Variants in EOGT observed in about 807,000 individuals in gnomAD.
The protein encoded by EOGT is EGF domain-specific O-linked N-acetylglucosamine transferase.
EOGT carries 55 observed loss-of-function variants against 70.5 expected under a neutral mutation model. The observed-to-expected ratio is 0.78, with a 90% CI of 0.63 to 0.98. The LOEUF (loss-of-function observed/expected upper bound fraction) is 0.98. Ranked by LOEUF, EOGT falls within the 50% of genes least tolerant of loss-of-function variation. The pLI is 0.00. For missense variants in EOGT, 703 were observed against 641.9 expected (o/e 1.10, Z -1.03); for synonymous variants, 246 against 217.1 (o/e 1.13, Z -1.17).
chr3:68,989,173 G>C (rs1390088943), intron 10 of EOGT, among the ~76,000 whole-genome samples, 156 bp from the exon 11 acceptor site: 1 of 151,972 alleles, frequency 6.6e-6, no homozygotes, highest in Non-Finnish European at 1.5e-5. Flanking sequence ...CTTCATCTTG[G>C]GCCAGAGCAA....
chr3:68,996,601 G>C (rs963395717), intron 10 of EOGT, among the ~76,000 whole-genome samples: 21 of 152,190 alleles, frequency 1.4e-4, no homozygotes, highest in Non-Finnish European at 2.9e-4. Flanking sequence ...GCCCCTACAG[G>C]ATATGAGGCT....
In EOGT at chr3:68,977,504, G is replaced by T; in HGVS notation, c.*114C>A. 1 of 1,081,016 alleles carries T rather than the reference G, an allele frequency of 9.3e-7. No homozygotes were observed. The highest frequency in any genetic ancestry group is 1.4e-6 in the Non-Finnish European group (1 of 727,260). The allele number at this position is 1,081,016 out of a possible 1,614,324, so 67.0% of individuals were successfully genotyped here. A position where few individuals can be genotyped will look rare whatever the true frequency, so the allele number is the denominator to read the frequency against. On this transcript the variant is annotated 3_prime_UTR_variant, in exon 18 of 18. Coordinates refer to ENST00000383701, the MANE Select transcript of EOGT (RefSeq NM_001278689.2). ...AACAATATCCTGAAGGTATGTTTTG[G>T]CATAGAAAAGGTAATTCGGGGATAG...
Position 68,978,387 on chromosome 3 carries a change from T to C in EOGT, c.1383A>G (p.Arg461=), listed in dbSNP as rs774552532. Residue 461 remains arginine (R), a synonymous_variant, in exon 17 of 18, where the codon AGA becomes AGG. Coordinates refer to ENST00000383701, the MANE Select transcript of EOGT (RefSeq NM_001278689.2). ...GTCGCCAAGTGATGTAGTGAACGCC[T>C]CTCAGCCTGGCCAAGTCTAAGTAAC... ...ERCYLDLARL[R]GVHYITWRRQ... is the part of the protein sequence containing the mutation. 23 of 1,612,874 alleles carry C rather than the reference T, an allele frequency of 1.4e-5. No individual in the cohort carries two copies. The South Asian group carries it at 2.3e-4, about 16-fold the overall frequency.
Position 68,979,734 on chromosome 3 carries a change from A to ATAAATATG in EOGT, c.1260_1267dup (p.Ile423ThrfsTer11), listed in dbSNP as rs753004669. 47 of 1,613,632 alleles carry ATAAATATG rather than the reference A, an allele frequency of 2.9e-5. No homozygotes were observed. In the Admixed American group the frequency reaches 7.7e-4, roughly 26 times the overall value. Reference sequence around the variant, plus strand: ...GGTCAGACCAGCTCCATGCATTCCAATAAATATGTCCGTGTTGTGTGTGAT... The same window carrying ATAAATATG: ...GGTCAGACCAGCTCCATGCATTCCAATAAATATGTAAATATGTCCGTGTTGTGTGTGAT... On this transcript the variant is annotated frameshift_variant, in exon 16 of 18. Transcript: ENST00000383701. LOFTEE classifies it high-confidence loss of function.
chr3:69,004,500 ATTAAG>A lies in EOGT; in HGVS notation c.516-23_516-19del, dbSNP rs373543747. The A allele has an allele frequency of 2.3e-4, 364 of 1,575,934 alleles. 1 individual carries two copies. In the African/African-American group the frequency reaches 3.9e-3, roughly 17 times the overall value. On this transcript the variant is annotated intron_variant, in intron 7 of 17. Coordinates refer to ENST00000383701, the MANE Select transcript of EOGT (RefSeq NM_001278689.2). ...CCTTAAATCTGGTATATAACAAAAC[ATTAAG>A]TTAAGTTCAGAAAACGTCTTCATGA...
chr3:68,987,972 T>G (rs538475557), intron 13 of EOGT: 31 of 372,156 alleles, frequency 8.3e-5, no homozygotes, highest in African/African-American at 6.5e-4. Flanking sequence ...GGGAGTGCAG[T>G]GACATGATCT....
chr3:69,005,146 TG>T lies in EOGT; in HGVS notation c.508del (p.His170MetfsTer25). 5 of 1,548,732 alleles carry T rather than the reference TG, an allele frequency of 3.2e-6. No homozygotes were observed. The highest frequency in any genetic ancestry group is 1.4e-5 in the African/African-American group (1 of 73,338). Reference sequence around the variant, plus strand: ...ACATTAACCACTAAAGTACCTGTCATGATTTCTCTTGATGTTTCTTAAATCA... The same window carrying T: ...ACATTAACCACTAAAGTACCTGTCATATTTCTCTTGATGTTTCTTAAATCA... ...YLDLRNIKRN[H>X]DRFKEDFFQS... is the part of the protein sequence containing the mutation. On this transcript the variant is annotated frameshift_variant, in exon 7 of 18. Transcript: ENST00000383701. LOFTEE classifies it high-confidence loss of function.
At chr3:68,978,091 A>C (rs540081981) in intron 17 of EOGT, among the ~76,000 whole-genome samples, 1 of 152,212 alleles carries the variant, frequency 6.6e-6, no homozygotes, top group African/African-American at 2.4e-5. Context: ...CCGTCTCTAT[A>C]TATAATCTAA....
At chr3:69,002,673 G>A (rs1208711773) in intron 8 of EOGT, among the ~76,000 whole-genome samples, 1 of 119,688 alleles carries the variant, frequency 8.4e-6, no homozygotes, top group Non-Finnish European at 1.7e-5. Context: ...TTTTTTTTTT[G>A]AGACAGGGTC....
At position 69,007,794 on chromosome 3, in the gene EOGT, G is replaced by A. The variant is rs1408152394; in HGVS notation, c.339C>T (p.Asp113=). Residue 113 remains aspartate, a synonymous_variant, in exon 6 of 18, where the codon GAC becomes GAT. Transcript: ENST00000383701. ...CAAAGTCAGCTTGTTTCCAAAATAT[G>A]TCCTCAGCTGACTCAAGAGTGTCCG... The part of the protein sequence containing the change: ...GWTDTLESAE[D]IFWKQADFGY... 1.2e-6 allele frequency: 2 copies of A among 1,612,308 alleles called. No individual in the cohort carries two copies. The highest frequency in any genetic ancestry group is 1.7e-6 in the Non-Finnish European group (2 of 1,178,922).
Position 69,009,639 on chromosome 3 carries a change from T to C in EOGT, c.208A>G (p.Lys70Glu), listed in dbSNP as rs758280091. Residue 70 changes from lysine (K) to glutamate (E), a missense_variant and splice_region_variant, in exon 4 of 18, where the codon AAG becomes GAG. Transcript: ENST00000383701. ...AGGAGAAAAGAAATAATACCTACCT[T>C]ATATGGACAAAGAGAGTCTTTCCTA... ...VCRKDSLCPYKKHLEKLKYCW... is the reference protein window; with the variant it reads ...VCRKDSLCPYEKHLEKLKYCW... 1.9e-6 allele frequency: 3 copies of C among 1,610,070 alleles called. No individual in the cohort carries two copies. The South Asian group carries it at 3.3e-5, about 18-fold the overall frequency.
At chr3:69,012,940 G>T (rs975965493) in intron 1 of EOGT, 141 bp from the exon 2 acceptor site, 2 of 152,286 alleles carry the variant, frequency 1.3e-5, no homozygotes, top group Admixed American at 6.5e-5. Context: ...TGGGCAAATG[G>T]AAAGTTCAAC....
chr3:69,004,818 C>G (rs867819633), intron 7 of EOGT, among the ~76,000 whole-genome samples: 25 of 152,130 alleles, frequency 1.6e-4, no homozygotes, highest in African/African-American at 5.8e-4. Flanking sequence ...AATCCCAGCA[C>G]TTTGGGAGGC....
intron 10 of EOGT, among the ~76,000 whole-genome samples, chr3:68,989,923 G>C (rs1464747429): frequency 6.6e-6 from 1 of 151,906 alleles, no homozygotes; most frequent in African/African-American, 2.4e-5. Context: ...CTGGGCAACA[G>C]AGCAAGACCT....
intron 10 of EOGT, among the ~76,000 whole-genome samples, chr3:68,994,522 T>C (rs1329501910): frequency 6.6e-6 from 1 of 152,224 alleles, no homozygotes; most frequent in Non-Finnish European, 1.5e-5. Context: ...CTGGACACGG[T>C]GGCTCACATC....
Position 68,988,374 on chromosome 3 carries a change from C to T in EOGT, c.1004G>A (p.Gly335Asp), listed in dbSNP as rs1671528691. Reference protein sequence around the residue: ...GLFYNTPLISGCQNTGLFRAF... With the variant: ...GLFYNTPLISDCQNTGLFRAF... ...CCTGAATAGTCCAGTATTTTGACAG[C>T]CAGATATCTAAAATAAAAACACTGG... Residue 335 changes from glycine to aspartate, a missense_variant, in exon 13 of 18, where the codon GGC becomes GAC. Transcript: ENST00000383701. 1.3e-6 allele frequency: 2 copies of T among 1,535,178 alleles called. No homozygotes were observed. The highest frequency in any genetic ancestry group is 2.4e-5 in the South Asian group (2 of 84,000).
chr3:68,978,481 T>A, intron 16 of EOGT, 46 bp from the exon 17 acceptor site: 1 of 1,374,468 alleles, frequency 7.3e-7, no homozygotes, highest in South Asian at 1.3e-5. Flanking sequence ...GTCCAAGGTT[T>A]TTTCCAAATC....
chr3:68,981,414 A>G (rs2090636570), intron 15 of EOGT, among the ~76,000 whole-genome samples: 2 of 152,220 alleles, frequency 1.3e-5, no homozygotes, highest in Admixed American at 1.3e-4. Flanking sequence ...TATCTATATT[A>G]GATACCCACA....
intron 9 of EOGT, among the ~76,000 whole-genome samples, chr3:68,999,928 A>C (rs2091252444): frequency 6.6e-6 from 1 of 152,204 alleles, no homozygotes; most frequent in African/African-American, 2.4e-5. Context: ...GTTAACATGA[A>C]AAGGAAAACT....
Sources: gnomAD v4.1 joint callset for allele counts (sites outside exome capture counted in the v4.1 genomes callset) on GRCh38, gnomAD v4.1.1 for gene constraint, MANE v1.5 for transcripts, NCBI Gene and HGNC (gene_info 2026-07-23, HGNC 2026-07-21) for gene names.